Variants in CSMD1 observed in about 807,000 individuals in gnomAD.
CSMD1 encodes the protein CUB and Sushi multiple domains 1, also known as CUB and sushi domain-containing protein 1.
A neutral mutation model predicts 417.5 loss-of-function variants in CSMD1; 213 were observed. That is an observed-to-expected ratio of 0.51 (90% CI 0.46 to 0.57). CSMD1 has a LOEUF of 0.57. Ranked by LOEUF, CSMD1 falls within the 20% of genes least tolerant of loss-of-function variation. The pLI, the probability that CSMD1 is intolerant of heterozygous loss-of-function variation, is 0.00. For missense variants in CSMD1, 6,923 were observed against 4,529.7 expected (o/e 1.53, Z -15.17); for synonymous variants, 2,862 against 1,736.8 (o/e 1.65, Z -16.11).
chr8:3,457,185 C>G (rs554850228), intron 12 of CSMD1, among the ~76,000 whole-genome samples: 1 of 151,620 alleles, frequency 6.6e-6, no homozygotes, highest in South Asian at 2.1e-4. Context: ...GACTCCTCAT[C>G]GTGGACTCCT....
chr8:3,779,215 A>G (rs1051079988), intron 5 of CSMD1, among the ~76,000 whole-genome samples: 3 of 151,988 alleles, frequency 2.0e-5, no homozygotes, highest in African/African-American at 7.3e-5. Flanking sequence ...TGAATAAGAC[A>G]GAACTCACTG....
chr8:3,320,955 G>C (rs943263501), intron 23 of CSMD1, among the ~76,000 whole-genome samples: 3 of 152,188 alleles, frequency 2.0e-5, no homozygotes, highest in Non-Finnish European at 4.4e-5. Flanking sequence ...GCAAAATGGA[G>C]TACGTAACCA....
intron 1 of CSMD1, among the ~76,000 whole-genome samples, chr8:4,650,927 G>C (rs958284589): frequency 6.6e-6 from 1 of 152,124 alleles, no homozygotes; most frequent in African/African-American, 2.4e-5. Context: ...TATTTGCCTT[G>C]CTTTAACCAT....
At chr8:3,557,096 C>A (rs1378264084) in intron 10 of CSMD1, among the ~76,000 whole-genome samples, 4 of 152,144 alleles carry the variant, frequency 2.6e-5, no homozygotes, top group African/African-American at 7.2e-5. Flanking sequence ...TACAGGCGGC[C>A]AAATCCATTC....
At position 2,998,111 on chromosome 8, in the gene CSMD1, G is replaced by A. The variant is rs751978852; in HGVS notation, c.8277C>T (p.Val2759=). 78 of 1,613,880 alleles carry A rather than the reference G, an allele frequency of 4.8e-5. No homozygotes were observed. The highest frequency in any genetic ancestry group is 6.4e-5 in the Non-Finnish European group (75 of 1,179,892). ...TNGSEFNLND[V]VNFTCNTGYL... is the part of the protein sequence containing the mutation. ...AGCCCGTGTTGCAGGTGAAATTCAC[G>A]ACATCATTCAGGTTGAACTCACTGC... The change falls in exon 54 of 70, where the codon GTC becomes GTT. Residue 2759 remains valine (V), a synonymous_variant. Coordinates refer to ENST00000635120, the MANE Select transcript of CSMD1 (RefSeq NM_033225.6).
At chr8:4,291,314 A>T (rs1797347844) in intron 3 of CSMD1, among the ~76,000 whole-genome samples, 1 of 152,150 alleles carries the variant, frequency 6.6e-6, no homozygotes, top group Non-Finnish European at 1.5e-5. Flanking sequence ...AAAGCTAGGG[A>T]TAATGATCAT....
chr8:4,158,519 G>C (rs1204415558), intron 3 of CSMD1, among the ~76,000 whole-genome samples: 3 of 152,140 alleles, frequency 2.0e-5, no homozygotes, highest in Admixed American at 2.0e-4. Flanking sequence ...AACTCCCAAA[G>C]AAACAGTAAT....
chr8:3,150,679 A>G (rs1252258145), intron 40 of CSMD1, among the ~76,000 whole-genome samples: 1 of 152,208 alleles, frequency 6.6e-6, no homozygotes, highest in Non-Finnish European at 1.5e-5. Flanking sequence ...AACTTGGTCT[A>G]CCTAAAGTGA....
intron 51 of CSMD1, among the ~76,000 whole-genome samples, chr8:3,025,665 C>G (rs1444465621): frequency 6.6e-6 from 1 of 152,162 alleles, no homozygotes; most frequent in Non-Finnish European, 1.5e-5. Flanking sequence ...CAAACTTTGA[C>G]AAAGTTAATG....
intron 34 of CSMD1, among the ~76,000 whole-genome samples, chr8:3,189,592 A>C (rs1253248255): frequency 1.3e-5 from 2 of 152,224 alleles, no homozygotes; most frequent in Non-Finnish European, 2.9e-5. Flanking sequence ...TTACACAAGT[A>C]ATATAGCAAA....
At chr8:3,300,832 G>A (rs1804334605) in intron 25 of CSMD1, among the ~76,000 whole-genome samples, 3 of 151,912 alleles carry the variant, frequency 2.0e-5, no homozygotes, top group Middle Eastern at 3.4e-3. Context: ...GGTGGCACAT[G>A]CATGTAATCC....
intron 3 of CSMD1, among the ~76,000 whole-genome samples, chr8:4,099,859 G>A (rs536968626): frequency 2.7e-4 from 41 of 152,060 alleles, no homozygotes; most frequent in Admixed American, 1.7e-3. Context: ...CTTCTTTTCC[G>A]TTTATTTAAG....
intron 2 of CSMD1, among the ~76,000 whole-genome samples, chr8:4,449,022 C>A (rs1798978055): frequency 6.6e-6 from 1 of 152,072 alleles, no homozygotes; most frequent in Non-Finnish European, 1.5e-5. Flanking sequence ...GTGCGTTCAG[C>A]CTAATTTATG....
At chr8:4,085,539 C>T (rs958817634) in intron 3 of CSMD1, among the ~76,000 whole-genome samples, 4 of 152,060 alleles carry the variant, frequency 2.6e-5, no homozygotes, top group African/African-American at 9.7e-5. Flanking sequence ...TTCTTTGTAA[C>T]CCTAATAAGC....
intron 3 of CSMD1, among the ~76,000 whole-genome samples, chr8:4,256,872 G>C (rs139899004): frequency 1.3e-5 from 2 of 152,180 alleles, no homozygotes; most frequent in Admixed American, 1.3e-4. Context: ...TAAAGGGGGA[G>C]AATCGCTACT....
intron 5 of CSMD1, among the ~76,000 whole-genome samples, chr8:3,858,599 A>T (rs772760353): frequency 2.0e-5 from 3 of 152,186 alleles, no homozygotes; most frequent in Non-Finnish European, 4.4e-5. Flanking sequence ...AATAATTTTC[A>T]CCAAGTTCTC....
Position 4,212,962 on chromosome 8 carries a change from C to G in CSMD1, c.416-180863G>C, listed in dbSNP as rs576578491. Among the ~76,000 whole-genome samples the G allele has an allele frequency of 2.4e-4, 37 of 152,120 alleles. No homozygotes were observed. The East Asian group carries it at 7.2e-3, about 30-fold the overall frequency. ...TCCTTCCCTCATACCCACTGAAGAC[C>G]TAACACCTAGCGTTGGCTTCCAAGT... is the stretch of plus-strand genomic sequence containing the variant. On this transcript the variant is annotated intron_variant, in intron 3 of 69. Transcript: ENST00000635120.
intron 2 of CSMD1, among the ~76,000 whole-genome samples, chr8:4,550,274 C>A (rs370039035): frequency 9.3e-5 from 14 of 151,204 alleles, no homozygotes; most frequent in African/African-American, 3.4e-4. Context: ...GGTTTCACGG[C>A]CAACTTTGAT....
intron 12 of CSMD1, among the ~76,000 whole-genome samples, chr8:3,416,174 G>A (rs1351249176): frequency 3.6e-4 from 11 of 30,316 alleles, no homozygotes; most frequent in Non-Finnish European, 6.5e-4. Context: ...GTTGGGGGGC[G>A]CCTGTAATTC....
Sources: allele counts gnomAD v4.1 joint callset (sites outside exome capture counted in the v4.1 genomes callset), GRCh38; gene constraint gnomAD v4.1.1; transcripts MANE v1.5; gene names NCBI Gene and HGNC (gene_info 2026-07-23, HGNC 2026-07-21).